The following PTGER4 variants were observed in gnomAD, a reference collection of about 807,000 sequenced individuals.
The protein encoded by PTGER4 is prostaglandin E2 receptor EP4 subtype.
A neutral mutation model predicts 33.2 loss-of-function variants in PTGER4; 11 were observed. The observed-to-expected ratio is 0.33, with a 90% CI of 0.21 to 0.55. The LOEUF is 0.55. Among genes scored for constraint, PTGER4 ranks in the 20% least tolerant of loss-of-function variants. PTGER4 has a pLI of 0.92. For missense variants in PTGER4, 481 were observed against 650.2 expected, an observed-to-expected ratio of 0.74 and a Z score of 2.83; for synonymous variants, 275 against 281.5, an observed-to-expected ratio of 0.98 and a Z score of 0.23.
At position 40,692,283 on chromosome 5, in the gene PTGER4, G is replaced by A. The variant is rs1741493673; in HGVS notation, c.1372G>A (p.Gly458Ser). ...SESVLLVDEA[G>S]GSGRAGPAPK... ...GAGTGTCTTACTGGTGGATGAGGCTGGTGGGAGCGGCAGGGCTGGGCCTGC... is the reference window on the plus strand; with the variant it reads ...GAGTGTCTTACTGGTGGATGAGGCTAGTGGGAGCGGCAGGGCTGGGCCTGC... The change falls in exon 3 of 3, where the codon GGT becomes AGT. Residue 458 changes from glycine to serine, a missense_variant. Gly to Ser is a moderately conservative substitution (Grantham distance 56, BLOSUM62 0). This residue lies in a region of PTGER4 where 172 missense variants were observed against 199.2 expected (regional missense o/e 0.86). Coordinates refer to ENST00000302472, the MANE Select transcript of PTGER4 (RefSeq NM_000958.3). 2 of 1,614,008 alleles carry A rather than the reference G, an allele frequency of 1.2e-6. No individual in the cohort carries two copies. Among genetic ancestry groups the A allele is most frequent in the Admixed American group, 1.7e-5 (1 of 60,014 alleles).
chr5:40,697,737 T>C (rs999634588), downstream of PTGER4, among the ~76,000 whole-genome samples: 3 of 151,866 alleles, frequency 2.0e-5, no homozygotes, highest in African/African-American at 7.3e-5. Flanking sequence ...AGGCAATTAT[T>C]GACTCCATGA....
chr5:40,697,094 G>GAGAA (rs1554024542), downstream of PTGER4, among the ~76,000 whole-genome samples: 163 of 67,794 alleles, frequency 2.4e-3, 6 homozygotes, highest in African/African-American at 0.011. Context: ...AGGAAAGAAA[G>GAGAA]AGAAAAGAAA....
At chr5:40,722,939 A>G in the PTGER4 span, among the ~76,000 whole-genome samples, 2 of 152,150 alleles carry the variant, frequency 1.3e-5, no homozygotes, top group East Asian at 3.9e-4. Flanking sequence ...TGGGAGGTGT[A>G]CCCAACAGCT....
the PTGER4 span, chr5:40,716,236 A>C: frequency 6.2e-7 from 1 of 1,614,216 alleles, no homozygotes; most frequent in Non-Finnish European, 8.5e-7. Context: ...AGCAGACACA[A>C]TAACCATTGT....
At chr5:40,722,655 C>T in the PTGER4 span, among the ~76,000 whole-genome samples, 1 of 149,824 alleles carries the variant, frequency 6.7e-6, no homozygotes, top group Non-Finnish European at 1.5e-5. Flanking sequence ...GGAAGTGAGG[C>T]GTGTCTCCGC....
At chr5:40,725,987 G>A in the PTGER4 span, among the ~76,000 whole-genome samples, 5,172 of 150,934 alleles carry the variant, frequency 0.034, 116 homozygotes, top group Non-Finnish European at 0.05. Context: ...GGGTTTCACC[G>A]TGTTAGCCAG....
At chr5:40,714,804 T>C in the PTGER4 span, 1 of 152,282 alleles carries the variant, frequency 6.6e-6, no homozygotes, top group Non-Finnish European at 1.5e-5. Context: ...AGATCATTAC[T>C]TATAAGCTCC....
At chr5:40,738,528 ACAATAAAATAC>A in the PTGER4 span, among the ~76,000 whole-genome samples, 5 of 133,914 alleles carry the variant, frequency 3.7e-5, no homozygotes, top group African/African-American at 1.4e-4. Context: ...AAAATAAAAT[ACAATAAAATAC>A]AATAAAATAA....
chr5:40,687,440 G>T (rs1479961683), intron 2 of PTGER4, among the ~76,000 whole-genome samples: 1 of 152,136 alleles, frequency 6.6e-6, no homozygotes, highest in Non-Finnish European at 1.5e-5. Context: ...AAAATATAGG[G>T]CCTGTTGGAC....
At chr5:40,746,309 A>G in the PTGER4 span, among the ~76,000 whole-genome samples, 1 of 152,250 alleles carries the variant, frequency 6.6e-6, no homozygotes, top group Non-Finnish European at 1.5e-5. Flanking sequence ...TGAAGCTATT[A>G]TCAACTTCCT....
At chr5:40,709,558 T>C in the PTGER4 span, among the ~76,000 whole-genome samples, 3 of 152,108 alleles carry the variant, frequency 2.0e-5, no homozygotes, top group Non-Finnish European at 4.4e-5. Flanking sequence ...GGAAGAACAT[T>C]CCATGCTCAT....
At chr5:40,700,098 C>A in the PTGER4 span, among the ~76,000 whole-genome samples, 12 of 152,254 alleles carry the variant, frequency 7.9e-5, no homozygotes, top group East Asian at 2.1e-3. Flanking sequence ...ATGAATTCAT[C>A]AAGGCTACAA....
rs760372405 is a variant in PTGER4 at position 40,693,199 on chromosome 5, C to T, written c.*821C>T. The T allele has an allele frequency of 4.1e-6, 4 of 983,242 alleles. No homozygotes were observed. Among genetic ancestry groups the T allele is most frequent in the Non-Finnish European group, 4.8e-6 (4 of 827,664 alleles). 60.9% of individuals were successfully genotyped at this position (983,242 alleles called of 1,614,324 possible). ...CAGAAAACTGTGATTTCAGGAGAAC[C>T]TAACATGCTGGTGAATATTTTCAAC... On this transcript the variant is annotated 3_prime_UTR_variant, in exon 3 of 3. Coordinates refer to ENST00000302472, the MANE Select transcript of PTGER4 (RefSeq NM_000958.3).
rs1741455326 is a variant in PTGER4, at chr5:40,691,021, T to G, written c.868-758T>G. 6.6e-6 allele frequency among the ~76,000 whole-genome samples: 1 copy of G among 152,218 alleles called. No individual in the cohort carries two copies. The highest frequency in any genetic ancestry group is 2.1e-4 in the South Asian group (1 of 4,834). On this transcript the variant is annotated intron_variant, in intron 2 of 2. Transcript: ENST00000302472. The surrounding 1 kb of genome is among the most constrained non-coding windows in gnomAD (Gnocchi z 4.2). ...CATTTTTGCAGTGACTGGTTTTTAT[T>G]TTTTTATTTTTTATTTTTAAACAGA...
the PTGER4 span, among the ~76,000 whole-genome samples, chr5:40,722,600 G>C: frequency 6.6e-6 from 1 of 150,934 alleles, no homozygotes; most frequent in African/African-American, 2.4e-5. Flanking sequence ...CGGCCGCCCC[G>C]TCTGAGAAGT....
In PTGER4 at chr5:40,693,169, T is replaced by C. The variant is rs1167984752; in HGVS notation, c.*791T>C. ...AATTGTTTAGTGATATTACATTTAT[T>C]TATCCAGAAAACTGTGATTTCAGGA... On this transcript the variant is annotated 3_prime_UTR_variant, in exon 3 of 3. Coordinates refer to ENST00000302472, the MANE Select transcript of PTGER4 (RefSeq NM_000958.3). 1.0e-6 allele frequency: 1 copy of C among 972,580 alleles called. No individual in the cohort carries two copies. Among genetic ancestry groups the C allele is most frequent in the Non-Finnish European group, 1.2e-6 (1 of 817,938 alleles). 60.2% of individuals were successfully genotyped at this position (972,580 alleles called of 1,614,324 possible). A position where few individuals can be genotyped will look rare whatever the true frequency, so the allele number is the denominator to read the frequency against.
chr5:40,710,281 T>C, the PTGER4 span, among the ~76,000 whole-genome samples: 1 of 152,096 alleles, frequency 6.6e-6, no homozygotes, highest in Admixed American at 6.6e-5. Context: ...TGAACAGACA[T>C]TTCTCAAAAG....
the PTGER4 span, among the ~76,000 whole-genome samples, chr5:40,743,424 A>T: frequency 6.6e-6 from 1 of 152,158 alleles, no homozygotes; most frequent in Non-Finnish European, 1.5e-5. Flanking sequence ...TATTTTTTTT[A>T]ATCTAATTTA....
chr5:40,742,024 T>C, the PTGER4 span, among the ~76,000 whole-genome samples: 1 of 152,014 alleles, frequency 6.6e-6, no homozygotes, highest in African/African-American at 2.4e-5. Context: ...AGGAAGCTTA[T>C]AGGGATCATC....
Sources: allele counts gnomAD v4.1 joint callset (sites outside exome capture counted in the v4.1 genomes callset), GRCh38; gene constraint gnomAD v4.1.1; regional missense constraint gnomAD v4.1.1; non-coding constraint Gnocchi (gnomAD v3.1); transcripts MANE v1.5; gene names NCBI Gene and HGNC (gene_info 2026-07-23, HGNC 2026-07-21).